TRIO: variants seen among roughly 807,000 people sequenced by gnomAD.
TRIO encodes the protein trio Rho guanine nucleotide exchange factor.
In TRIO, 58 loss-of-function variants were observed where a neutral mutation model predicts 351.9. The observed-to-expected ratio is 0.16, with a 90% CI of 0.13 to 0.21. The LOEUF (loss-of-function observed/expected upper bound fraction) is 0.21, where lower values mean the gene tolerates loss of function less well. TRIO is among the 10% of genes least tolerant of loss of function. The probability of loss-of-function intolerance (pLI) is 1.00; values close to 1 mark genes in which losing one functional copy is unlikely to be tolerated. For synonymous variants in TRIO, 1,758 were observed against 1,595.7 expected (o/e 1.10, Z -2.42); for missense variants, 3,201 against 4,027.8 (o/e 0.79, Z 5.56).
rs1287816131 is a variant in TRIO at position 14,290,902 on chromosome 5, A to C, written c.727A>C (p.Lys243Gln). Residue 243 changes from lysine to glutamine, a missense_variant, in exon 5 of 57, where the codon AAG becomes CAG. By Grantham distance (53) the Lys-to-Gln change is moderately conservative. Transcript: ENST00000344204. ...GGAGGAACTTCAGGACATCCTAGCT[A>C]AGAAGGAGCTGCCTCAGGATTTAGA... ...RLEELQDILA[K>Q]KELPQDLEGA... 1 of 1,614,176 alleles carries C rather than the reference A, an allele frequency of 6.2e-7. No homozygotes were observed. Among genetic ancestry groups the C allele is most frequent in the Non-Finnish European group, 8.5e-7 (1 of 1,180,036 alleles).
chr5:14,162,006 G>A (rs567307822), intron 1 of TRIO, among the ~76,000 whole-genome samples: 1 of 152,176 alleles, frequency 6.6e-6, no homozygotes, highest in African/African-American at 2.4e-5. Flanking sequence ...GGTGTGAACC[G>A]CCATGCCTGG....
At chr5:14,168,611 A>G (rs1354167662) in intron 1 of TRIO, among the ~76,000 whole-genome samples, 1 of 152,098 alleles carries the variant, frequency 6.6e-6, no homozygotes, top group Non-Finnish European at 1.5e-5. Context: ...TTTGTGGTGC[A>G]TGTCTTCTTC....
chr5:14,194,126 A>G (rs1161397222), intron 1 of TRIO, among the ~76,000 whole-genome samples: 1 of 152,202 alleles, frequency 6.6e-6, no homozygotes, highest in Non-Finnish European at 1.5e-5. Flanking sequence ...TGCATTGTCA[A>G]ATTGTACCCA....
In TRIO at chr5:14,363,917, C is replaced by G; in HGVS notation, c.2577C>G (p.Val859=). 1 of 1,613,744 alleles carries G rather than the reference C, an allele frequency of 6.2e-7. No homozygotes were observed. Among genetic ancestry groups the G allele is most frequent in the South Asian group, 1.1e-5 (1 of 91,042 alleles). Residue 859 remains valine (V), a synonymous_variant, in exon 14 of 57, where the codon GTC becomes GTG. Transcript: ENST00000344204. ...GQDLLQYVNE[V]QASGVELLCD... is the part of the protein sequence containing the mutation. The stretch of plus-strand genomic sequence containing the variant: ...ATCTTCTGCAGTATGTCAATGAGGT[C>G]CAGGCCTCTGGTAAGAGGGCTCACT...
In TRIO at chr5:14,317,850, G is replaced by A. The variant is rs188455213; in HGVS notation, c.1731+1107G>A. Among the ~76,000 whole-genome samples, 15 of 152,258 alleles carry A rather than the reference G, an allele frequency of 9.9e-5. No individual in the cohort carries two copies. In the East Asian group the frequency reaches 2.9e-3, roughly 29 times the overall value. ...TATTAAAAATACAAAAATCAGGCCA[G>A]GCGAGGTAGCTCACGCCTGTAATCC... On this transcript the variant is annotated intron_variant, in intron 9 of 56. Transcript: ENST00000344204.
chr5:14,383,295 A>G (rs1386834774), intron 21 of TRIO, among the ~76,000 whole-genome samples: 3 of 152,232 alleles, frequency 2.0e-5, no homozygotes, highest in Non-Finnish European at 4.4e-5. Flanking sequence ...ACTCAAAGCT[A>G]GATTTAAGAT....
Position 14,497,751 on chromosome 5 carries a change from G to A in TRIO, c.8020-96G>A, listed in dbSNP as rs77013851. The A allele has an allele frequency of 5.3e-3, 8,092 of 1,534,966 alleles. 198 individuals are homozygous for A. In the African/African-American group the frequency reaches 0.06, roughly 11 times the overall value. Reference sequence around the variant, plus strand: ...TTGATGCCCAGGCAAGTCAGTTTCTGCAAATCTTTCAACAATAATTGTAGC... The same window carrying A: ...TTGATGCCCAGGCAAGTCAGTTTCTACAAATCTTTCAACAATAATTGTAGC... On this transcript the variant is annotated intron_variant, in intron 50 of 56. Coordinates refer to ENST00000344204, the MANE Select transcript of TRIO (RefSeq NM_007118.4). The surrounding 1 kb of genome is among the most constrained non-coding windows in gnomAD (Gnocchi z 4.4).
chr5:14,199,045 C>A (rs1790935552), intron 1 of TRIO, among the ~76,000 whole-genome samples: 1 of 151,956 alleles, frequency 6.6e-6, no homozygotes. Flanking sequence ...TAAGACCAGT[C>A]TGACCAACGT....
intron 33 of TRIO, among the ~76,000 whole-genome samples, chr5:14,415,021 A>C (rs1215077873): frequency 6.6e-6 from 1 of 152,164 alleles, no homozygotes; most frequent in Non-Finnish European, 1.5e-5. Flanking sequence ...TTAACCAAGT[A>C]ATCATTTTTT....
At chr5:14,401,830 G>T (rs1056461444) in intron 31 of TRIO, among the ~76,000 whole-genome samples, 98 of 152,290 alleles carry the variant, frequency 6.4e-4, no homozygotes, top group African/African-American at 2.0e-3. Context: ...GGACGGTGGA[G>T]CTAAGGCTTA....
intron 1 of TRIO, among the ~76,000 whole-genome samples, chr5:14,210,338 A>T (rs544332485): frequency 1.2e-4 from 18 of 152,192 alleles, no homozygotes; most frequent in Admixed American, 1.1e-3. Flanking sequence ...TTGTCCAGCG[A>T]CCCCAGCCAA....
At chr5:14,408,168 C>T (rs549845422) in intron 33 of TRIO, among the ~76,000 whole-genome samples, 17 of 152,298 alleles carry the variant, frequency 1.1e-4, no homozygotes, top group African/African-American at 3.6e-4. Flanking sequence ...AGGTTATTTC[C>T]GTGGCACATC....
At chr5:14,492,519 G>T (rs370307887) in intron 48 of TRIO, 48 bp from the exon 49 acceptor site, 17 of 1,598,176 alleles carry the variant, frequency 1.1e-5, no homozygotes, top group Non-Finnish European at 1.1e-5. Context: ...ATCAGGTCTC[G>T]TTTCAGTTCC....
At chr5:14,459,311 A>C (rs1579717923) in intron 34 of TRIO, among the ~76,000 whole-genome samples, 1 of 152,266 alleles carries the variant, frequency 6.6e-6, no homozygotes, top group East Asian at 1.9e-4. Context: ...GAGGCAGTGC[A>C]GCCCCTACAG....
intron 34 of TRIO, among the ~76,000 whole-genome samples, chr5:14,437,692 C>G (rs977081915): frequency 5.7e-5 from 8 of 140,556 alleles, no homozygotes; most frequent in African/African-American, 2.0e-4. Context: ...GACCACCCCC[C>G]CCGCCCCAAG....
At chr5:14,263,923 C>T (rs1200760019) in intron 1 of TRIO, among the ~76,000 whole-genome samples, 1 of 152,200 alleles carries the variant, frequency 6.6e-6, no homozygotes, top group Non-Finnish European at 1.5e-5. Context: ...CTGTGCATAG[C>T]TCTGTGCTTG....
chr5:14,401,377 C>G (rs1456651550), intron 31 of TRIO, among the ~76,000 whole-genome samples: 1 of 152,142 alleles, frequency 6.6e-6, no homozygotes, highest in South Asian at 2.1e-4. Context: ...AGTCAGGGTA[C>G]AGGAGGAATG....
chr5:14,415,621 T>A (rs936348174), intron 33 of TRIO, among the ~76,000 whole-genome samples: 1 of 152,214 alleles, frequency 6.6e-6, no homozygotes, highest in East Asian at 1.9e-4. Flanking sequence ...TATGTGGTAA[T>A]TGTTGAAGGT....
rs143834091 is a variant in TRIO, at chr5:14,448,215, C to T, written c.5204-12804C>T. On this transcript the variant is annotated intron_variant, in intron 34 of 56. Transcript: ENST00000344204. ...GAACAGCCATTTGACTTTTTGGGAA[C>T]ACAGAGGATCAGAAACATCTGAAAA... Among the ~76,000 whole-genome samples the T allele has an allele frequency of 5.7e-3, 867 of 152,302 alleles. 10 individuals carry two copies. Among genetic ancestry groups the T allele is most frequent in the African/African-American group, 0.02 (831 of 41,568 alleles).
Sources: gnomAD v4.1 joint callset for allele counts (sites outside exome capture counted in the v4.1 genomes callset) on GRCh38, gnomAD v4.1.1 for gene constraint, Gnocchi (gnomAD v3.1) non-coding constraint, MANE v1.5 for transcripts, NCBI Gene and HGNC (gene_info 2026-07-23, HGNC 2026-07-21) for gene names.